The following PLXNA4 variants were observed in gnomAD, a reference collection of about 807,000 sequenced individuals.
PLXNA4 encodes plexin A4.
PLXNA4 carries 44 observed loss-of-function variants against 191.8 expected under a neutral mutation model. The ratio of observed to expected loss-of-function variants is 0.23; its 90% CI spans 0.18 to 0.29. The LOEUF is 0.29. Ranked by LOEUF, PLXNA4 falls within the 10% of genes least tolerant of loss-of-function variation. The pLI is 1.00. For synonymous variants in PLXNA4, 1,082 were observed against 1,009.5 expected (o/e 1.07, Z -1.36); for missense variants, 1,800 against 2,488.8 (o/e 0.72, Z 5.89).
At chr7:132,410,859 C>T (rs1229573564) in intron 3 of PLXNA4, among the ~76,000 whole-genome samples, 1 of 152,192 alleles carries the variant, frequency 6.6e-6, no homozygotes. Flanking sequence ...CCACAGCAGG[C>T]TAGCATCCAT....
intron 3 of PLXNA4, among the ~76,000 whole-genome samples, chr7:132,373,577 G>A (rs1804534657): frequency 6.6e-6 from 1 of 152,156 alleles, no homozygotes; most frequent in Non-Finnish European, 1.5e-5. Flanking sequence ...TCCCATCAAT[G>A]CTCTAAAGCT....
chr7:132,422,944 G>A (rs778757316), intron 3 of PLXNA4, among the ~76,000 whole-genome samples: 2 of 152,220 alleles, frequency 1.3e-5, no homozygotes, highest in Non-Finnish European at 2.9e-5. Context: ...TCCCACAGCC[G>A]AGGGAGCCAG....
intron 21 of PLXNA4, among the ~76,000 whole-genome samples, chr7:132,172,762 AT>A (rs903551015): frequency 3.2e-5 from 4 of 123,762 alleles, no homozygotes; most frequent in Non-Finnish European, 7.1e-5. Context: ...TTAAAGTATA[AT>A]AATAATAATA....
At chr7:132,234,332 C>T (rs374212178) in intron 5 of PLXNA4, among the ~76,000 whole-genome samples, 8 of 152,272 alleles carry the variant, frequency 5.3e-5, no homozygotes, top group South Asian at 2.1e-4. Context: ...TGCAGGGGAG[C>T]ACTTTGCTCT....
intron 15 of PLXNA4, among the ~76,000 whole-genome samples, chr7:132,186,095 C>T (rs1429716977): frequency 3.3e-5 from 5 of 152,186 alleles, no homozygotes; most frequent in African/African-American, 1.2e-4. Flanking sequence ...GCGTAGCTCC[C>T]TCAAGGAAAA....
chr7:132,557,979 A>G (rs1220456233), intron 1 of PLXNA4, among the ~76,000 whole-genome samples: 1 of 152,202 alleles, frequency 6.6e-6, no homozygotes, highest in Non-Finnish European at 1.5e-5. Context: ...TTGGGTCCAG[A>G]GGGAACTGCA....
intron 5 of PLXNA4, among the ~76,000 whole-genome samples, chr7:132,229,530 G>C (rs1046006717): frequency 7.9e-5 from 12 of 152,168 alleles, no homozygotes; most frequent in African/African-American, 2.9e-4. Flanking sequence ...GTTGTGGGGT[G>C]GGGGCAAGCA....
intron 9 of PLXNA4, among the ~76,000 whole-genome samples, chr7:132,222,976 G>A (rs564631498): frequency 1.3e-5 from 2 of 152,338 alleles, no homozygotes; most frequent in Admixed American, 1.3e-4. Flanking sequence ...GCCTAGGGTG[G>A]AACAGAAGAC....
At chr7:132,427,670 C>A (rs1163118342) in intron 3 of PLXNA4, among the ~76,000 whole-genome samples, 1 of 152,182 alleles carries the variant, frequency 6.6e-6, no homozygotes, top group African/African-American at 2.4e-5. Context: ...GCTTTGCACA[C>A]CAGCAAGTCA....
intron 1 of PLXNA4, among the ~76,000 whole-genome samples, chr7:132,536,753 A>G (rs4731876): frequency 0.89 from 135,936 of 152,276 alleles, 61,424 homozygotes; most frequent in Non-Finnish European, 0.97. Context: ...CAGTGGCAGC[A>G]ACTCATACAC....
chr7:132,125,049 A>C lies in PLXNA4; in HGVS notation c.*5430T>G, dbSNP rs1204133471. 2.0e-5 allele frequency: 3 copies of C among 151,804 alleles called. No individual in the cohort carries two copies. Among genetic ancestry groups the C allele is most frequent in the East Asian group, 1.9e-4 (1 of 5,178 alleles). 9.4% of individuals were successfully genotyped at this position (151,804 alleles called of 1,614,324 possible). ...AAAAATTTGTAGTAAAAAAAAAAAA[A>C]CTCTCTCTTGCATGTCTGAAACTTT... On this transcript the variant is annotated 3_prime_UTR_variant, in exon 32 of 32. Transcript: ENST00000321063.
intron 3 of PLXNA4, among the ~76,000 whole-genome samples, chr7:132,458,065 T>A (rs1796373543): frequency 6.6e-6 from 1 of 152,160 alleles, no homozygotes; most frequent in Non-Finnish European, 1.5e-5. Context: ...CAACACATCG[T>A]GTCATTTAGA....
At chr7:132,220,810 C>CTT (rs35090579) in intron 9 of PLXNA4, among the ~76,000 whole-genome samples, 60 of 100,778 alleles carry the variant, frequency 6.0e-4, no homozygotes, top group Non-Finnish European at 7.6e-4. Context: ...TTATTTTATT[C>CTT]TTTTTTTTTT....
intron 3 of PLXNA4, among the ~76,000 whole-genome samples, chr7:132,423,901 C>T (rs1794942258): frequency 6.6e-6 from 1 of 152,218 alleles, no homozygotes. Flanking sequence ...GAGAAAGCAA[C>T]AGCATTCTAG....
intron 2 of PLXNA4, among the ~76,000 whole-genome samples, chr7:132,645,387 G>A (rs551786970): frequency 2.0e-4 from 31 of 152,230 alleles, no homozygotes; most frequent in Non-Finnish European, 3.7e-4. Context: ...CCTCCTTCAC[G>A]TGCGCTGTCT....
At chr7:132,592,787 A>G (rs779128896) in intron 2 of PLXNA4, among the ~76,000 whole-genome samples, 2 of 152,074 alleles carry the variant, frequency 1.3e-5, no homozygotes, top group Non-Finnish European at 1.5e-5. Context: ...CCACAGAAAG[A>G]TAAATACCAA....
intron 3 of PLXNA4, among the ~76,000 whole-genome samples, chr7:132,445,157 G>GAAAAAAAAAAAAAAAA (rs71529762): frequency 2.2e-4 from 12 of 53,800 alleles, no homozygotes; most frequent in Non-Finnish European, 3.6e-4. Flanking sequence ...TCCATCTCAG[G>GAAAAAAAAAAAAAAAA]AAAAAAAAAA....
At chr7:132,600,526 C>T (rs1268645824) in intron 2 of PLXNA4, among the ~76,000 whole-genome samples, 1 of 152,040 alleles carries the variant, frequency 6.6e-6, no homozygotes, top group Non-Finnish European at 1.5e-5. Flanking sequence ...CTATGCCCAG[C>T]CAATTATTTT....
At chr7:132,296,839 G>C (rs186227831) in intron 4 of PLXNA4, among the ~76,000 whole-genome samples, 1 of 151,960 alleles carries the variant, frequency 6.6e-6, no homozygotes, top group Non-Finnish European at 1.5e-5. Flanking sequence ...GCTCCATCTC[G>C]GTAGTCTCCC....
Sources: gnomAD v4.1 joint callset for allele counts (sites outside exome capture counted in the v4.1 genomes callset) on GRCh38, gnomAD v4.1.1 for gene constraint, MANE v1.5 for transcripts, NCBI Gene and HGNC (gene_info 2026-07-23, HGNC 2026-07-21) for gene names.